Variants in KLHDC4 observed in about 807,000 individuals in gnomAD.
The protein encoded by KLHDC4 is kelch domain-containing protein 4.
A neutral mutation model predicts 62.4 loss-of-function variants in KLHDC4; 90 were observed. The ratio of observed to expected loss-of-function variants is 1.44; its 90% confidence interval spans 1.22 to 1.72. KLHDC4 has a LOEUF of 1.72. Ranked by LOEUF, KLHDC4 falls within the 40% of genes most tolerant of loss-of-function variation. The probability of loss-of-function intolerance (pLI) is 0.00; values close to 1 mark genes in which losing one functional copy is unlikely to be tolerated. For synonymous variants in KLHDC4, 386 were observed against 284.4 expected (o/e 1.36, Z -3.59); for missense variants, 1,025 against 699.7 (o/e 1.47, Z -5.25).
Position 87,709,568 on chromosome 16 carries a change from C to A in KLHDC4, c.1144G>T (p.Val382Leu), listed in dbSNP as rs2035357560. The A allele has an allele frequency of 1.2e-6, 2 of 1,612,970 alleles. No homozygotes were observed. The highest frequency in any genetic ancestry group is 1.1e-5 in the South Asian group (1 of 91,076). Residue 382 changes from valine (V) to leucine (L), a missense_variant, in exon 10 of 12, where the codon GTG becomes TTG. By Grantham distance (32) the Val-to-Leu change is conservative. Coordinates refer to ENST00000270583, the MANE Select transcript of KLHDC4 (RefSeq NM_017566.4). ...ACGGAGTQGP[V>L]QLVKEVVAED... is the part of the protein sequence containing the mutation. ...GCCACCACCTCCTTGACCAGCTGCA[C>A]AGGCCCCTGGGTGCCAGCTCCCCCA...
chr16:87,764,418 G>A (rs1213425801), intron 1 of KLHDC4, among the ~76,000 whole-genome samples: 1 of 151,926 alleles, frequency 6.6e-6, no homozygotes, highest in African/African-American at 2.4e-5. Flanking sequence ...GGGAGGCCGA[G>A]GCGAGCGCAT....
At chr16:87,742,489 T>C (rs967522918) in intron 5 of KLHDC4, among the ~76,000 whole-genome samples, 1 of 152,198 alleles carries the variant, frequency 6.6e-6, no homozygotes, top group Non-Finnish European at 1.5e-5. Context: ...AGTTGAACAA[T>C]ATTCAAAATA....
intron 7 of KLHDC4, among the ~76,000 whole-genome samples, chr16:87,721,905 T>C (rs1304288489): frequency 1.2e-4 from 18 of 151,820 alleles, no homozygotes; most frequent in Admixed American, 1.1e-3. Context: ...CATGTGTCCA[T>C]GGAAACAGAC....
At chr16:87,725,516 C>A (rs1257680228) in intron 7 of KLHDC4, among the ~76,000 whole-genome samples, 1 of 152,096 alleles carries the variant, frequency 6.6e-6, no homozygotes, top group East Asian at 1.9e-4. Context: ...TACAGGTGTT[C>A]CCCGTAAAAT....
intron 4 of KLHDC4, among the ~76,000 whole-genome samples, chr16:87,749,553 CA>C (rs74585020): frequency 0.012 from 887 of 76,098 alleles, 3 homozygotes; most frequent in African/African-American, 0.017. Context: ...GACTCCATGT[CA>C]AAAAAAAAAA....
chr16:87,742,761 T>G (rs1358478565), intron 5 of KLHDC4, among the ~76,000 whole-genome samples: 2 of 152,178 alleles, frequency 1.3e-5, no homozygotes, highest in Non-Finnish European at 2.9e-5. Flanking sequence ...GATCCTCTTC[T>G]CTGCCAGCAG....
intron 5 of KLHDC4, among the ~76,000 whole-genome samples, chr16:87,743,935 C>A (rs1055079478): frequency 2.0e-5 from 3 of 151,734 alleles, no homozygotes; most frequent in African/African-American, 7.3e-5. Context: ...TGCCTAAATG[C>A]GATTTATCAG....
intron 7 of KLHDC4, among the ~76,000 whole-genome samples, chr16:87,719,767 T>C (rs528052154): frequency 3.4e-4 from 52 of 152,216 alleles, no homozygotes; most frequent in African/African-American, 1.2e-3. Flanking sequence ...TAATACATTA[T>C]TGCTGGAATG....
intron 5 of KLHDC4, among the ~76,000 whole-genome samples, chr16:87,741,211 G>C (rs2042188476): frequency 6.6e-6 from 1 of 152,220 alleles, no homozygotes. Context: ...GTCATCCAAT[G>C]TGCTACAAAA....
At chr16:87,706,290 T>A (rs1330986823), downstream of KLHDC4, among the ~76,000 whole-genome samples, 1 of 36,142 alleles carries the variant, frequency 2.8e-5, no homozygotes, top group African/African-American at 1.2e-4. Context: ...GGGAGGGGGG[T>A]GAGCTGGCAC....
chr16:87,719,442 A>G (rs371433198), intron 7 of KLHDC4, among the ~76,000 whole-genome samples: 1 of 152,178 alleles, frequency 6.6e-6, no homozygotes, highest in Non-Finnish European at 1.5e-5. Flanking sequence ...TGCAAGATGT[A>G]CTTTGTTAAA....
intron 1 of KLHDC4, among the ~76,000 whole-genome samples, chr16:87,763,205 C>T (rs2046134681): frequency 6.6e-6 from 1 of 152,214 alleles, no homozygotes; most frequent in South Asian, 2.1e-4. Flanking sequence ...CCTCAAGTAA[C>T]CACTATCTGG....
At chr16:87,742,493 C>G (rs1349318642) in intron 5 of KLHDC4, among the ~76,000 whole-genome samples, 2 of 152,170 alleles carry the variant, frequency 1.3e-5, no homozygotes, top group Non-Finnish European at 2.9e-5. Context: ...GAACAATATT[C>G]AAAATAAGCA....
In KLHDC4 at chr16:87,708,529, G is replaced by A. The variant is rs983846686; in HGVS notation, c.1448-63C>T. Reference sequence around the variant, plus strand: ...AGCTGAGGCAGGTGGGGGAGGCTGCGGGACGGTGGTGGCTACGTCCTGGGG... The same window carrying A: ...AGCTGAGGCAGGTGGGGGAGGCTGCAGGACGGTGGTGGCTACGTCCTGGGG... On this transcript the variant is annotated intron_variant, in intron 10 of 11. Transcript: ENST00000270583. 1.4e-5 allele frequency: 18 copies of A among 1,285,356 alleles called. 1 individual carries two copies. The highest frequency in any genetic ancestry group is 1.4e-4 in the South Asian group (9 of 65,942). The allele number at this position is 1,285,356 out of a possible 1,614,324, so 79.6% of individuals were successfully genotyped here. A position where few individuals can be genotyped will look rare whatever the true frequency, so the allele number is the denominator to read the frequency against.
At chr16:87,744,592 A>T (rs975203592) in intron 5 of KLHDC4, among the ~76,000 whole-genome samples, 12 of 152,146 alleles carry the variant, frequency 7.9e-5, no homozygotes, top group Admixed American at 1.3e-4. Context: ...GAAAAAAAAA[A>T]AAAATAGAAT....
chr16:87,718,340 TCCTCC>T (rs1567685355), intron 7 of KLHDC4, among the ~76,000 whole-genome samples: 32 of 18,252 alleles, frequency 1.8e-3, no homozygotes, highest in African/African-American at 5.9e-3. Flanking sequence ...CCTCCCCCTC[TCCTCC>T]CCCTCCCCCT....
rs968516827 is a variant in KLHDC4 at position 87,765,976 on chromosome 16, G to A, written c.-86C>T. ...CGGAAACAGGTGCTCGTGGGGCGGA[G>A]CTCGGCGCACAGAAATGGAGTCACT... On this transcript the variant is annotated 5_prime_UTR_variant, in exon 1 of 12. Coordinates refer to ENST00000270583, the MANE Select transcript of KLHDC4 (RefSeq NM_017566.4). The A allele has an allele frequency of 7.4e-7, 1 of 1,348,100 alleles. No individual in the cohort carries two copies. The highest frequency in any genetic ancestry group is 1.0e-6 in the Non-Finnish European group (1 of 973,356). The allele number at this position is 1,348,100 out of a possible 1,614,324, so 83.5% of individuals were successfully genotyped here.
intron 5 of KLHDC4, among the ~76,000 whole-genome samples, chr16:87,741,776 T>C (rs1456964061): frequency 1.3e-5 from 2 of 152,244 alleles, no homozygotes; most frequent in Non-Finnish European, 2.9e-5. Context: ...CTACTCCAGA[T>C]ACTGAATCCA....
chr16:87,700,593 GAGA>G (rs1567627090), exon 1 of KLHDC4: 1 of 193,314 alleles, frequency 5.2e-6, no homozygotes, highest in African/African-American at 2.5e-5. Flanking sequence ...GGAGGGAGGA[GAGA>G]AGAGGTGGAG....
Sources: allele counts gnomAD v4.1 joint callset (sites outside exome capture counted in the v4.1 genomes callset), GRCh38; gene constraint gnomAD v4.1.1; transcripts MANE v1.5; gene names NCBI Gene and HGNC (gene_info 2026-07-23, HGNC 2026-07-21).